Variants in MRPL18 observed in about 807,000 individuals in gnomAD.
The protein encoded by MRPL18 is mitochondrial ribosomal protein L18.
MRPL18 carries 16 observed loss-of-function variants against 20.9 expected under a neutral mutation model. The observed-to-expected ratio is 0.76, with a 90% CI of 0.52 to 1.16. MRPL18 has a LOEUF of 1.16. Ranked by LOEUF, MRPL18 falls within the 50% of genes most tolerant of loss-of-function variation. The pLI is 0.00. For missense variants in MRPL18, 233 were observed against 230.6 expected (o/e 1.01, Z -0.07); for synonymous variants, 91 against 87.1 (o/e 1.04, Z -0.25).
intron 1 of MRPL18, 22 bp downstream of exon 1, chr6:159,790,661 CT>C: frequency 6.2e-7 from 1 of 1,613,460 alleles, no homozygotes; most frequent in South Asian, 1.1e-5. Flanking sequence ...TGCCCCCCTT[CT>C]CCCAGCTCAC....
Position 159,794,988 on chromosome 6 carries a change from T to A in MRPL18, c.240-2299T>A, listed in dbSNP as rs148944618. Among the ~76,000 whole-genome samples the A allele has an allele frequency of 5.3e-3, 796 of 151,140 alleles. 5 individuals carry two copies. The highest frequency in any genetic ancestry group is 0.018 in the African/African-American group (753 of 41,300). ...TGGGGAGAGGATTAGCAGACAAACATGTGAACAAAGGTCTTTGCATCATAG... is the reference window on the plus strand; with the variant it reads ...TGGGGAGAGGATTAGCAGACAAACAAGTGAACAAAGGTCTTTGCATCATAG... On this transcript the variant is annotated intron_variant, in intron 2 of 3. Transcript: ENST00000367034.
chr6:159,794,840 G>C (rs917698932), intron 2 of MRPL18, among the ~76,000 whole-genome samples: 2 of 152,166 alleles, frequency 1.3e-5, no homozygotes, highest in Admixed American at 1.3e-4. Context: ...GAAATAAGGG[G>C]ACCCAGGGAA....
At chr6:159,793,172 A>T (rs557279561) in intron 2 of MRPL18, among the ~76,000 whole-genome samples, 50 of 152,252 alleles carry the variant, frequency 3.3e-4, no homozygotes, top group Non-Finnish European at 5.0e-4. Context: ...AAAAATAACT[A>T]AAGATGTATT....
chr6:159,795,764 AAT>A (rs1436243023), intron 2 of MRPL18, among the ~76,000 whole-genome samples: 3 of 152,112 alleles, frequency 2.0e-5, no homozygotes, highest in Non-Finnish European at 2.9e-5. Flanking sequence ...CTCTTTGAAC[AAT>A]ATATGAGTTT....
At chr6:159,795,511 T>A (rs1781009771) in intron 2 of MRPL18, among the ~76,000 whole-genome samples, 1 of 152,206 alleles carries the variant, frequency 6.6e-6, no homozygotes, top group Admixed American at 6.5e-5. Flanking sequence ...GCACAACCCT[T>A]AATCCATTTA....
chr6:159,792,780 G>A (rs1780933638), intron 2 of MRPL18, among the ~76,000 whole-genome samples: 1 of 152,164 alleles, frequency 6.6e-6, no homozygotes, highest in Non-Finnish European at 1.5e-5. Flanking sequence ...TGGGACTAGA[G>A]GCGCATGCCA....
chr6:159,795,059 T>G (rs1423031680), intron 2 of MRPL18, among the ~76,000 whole-genome samples: 1 of 152,238 alleles, frequency 6.6e-6, no homozygotes, highest in East Asian at 1.9e-4. Flanking sequence ...TGCATACACA[T>G]AAACATCTCA....
intron 3 of MRPL18, 52 bp downstream of exon 3, chr6:159,797,570 A>AT: frequency 6.5e-7 from 1 of 1,543,948 alleles, no homozygotes; most frequent in Non-Finnish European, 8.9e-7. Flanking sequence ...AATTCTTGGC[A>AT]TTAGATAACT....
In MRPL18 at chr6:159,797,475, T is replaced by G; in HGVS notation, c.428T>G (p.Phe143Cys). The G allele has an allele frequency of 6.2e-7, 1 of 1,614,240 alleles. No individual in the cohort carries two copies. The highest frequency in any genetic ancestry group is 8.5e-7 in the Non-Finnish European group (1 of 1,180,042). ...AQRCLEAGIN[F>C]MVYQPTPWEA... ...AGATGCTTAGAGGCGGGAATCAACTTCATGGTCTACCAACCAACCCCGTGG... is the reference window on the plus strand; with the variant it reads ...AGATGCTTAGAGGCGGGAATCAACTGCATGGTCTACCAACCAACCCCGTGG... Residue 143 changes from phenylalanine (F) to cysteine (C), a missense_variant, in exon 3 of 4, where the codon TTC becomes TGC. Phe to Cys is a radical substitution (Grantham distance 205). Transcript: ENST00000367034.
intron 2 of MRPL18, among the ~76,000 whole-genome samples, chr6:159,792,575 C>T (rs540646795): frequency 6.6e-6 from 1 of 152,288 alleles, no homozygotes; most frequent in South Asian, 2.1e-4. Flanking sequence ...GTAGGCAGTT[C>T]ACTTTTTAAA....
Position 159,790,486 on chromosome 6 carries a change from G to T in MRPL18, c.-102G>T, listed in dbSNP as rs1780841973. The T allele has an allele frequency of 2.0e-6, 3 of 1,512,396 alleles. No homozygotes were observed. Among genetic ancestry groups the T allele is most frequent in the Admixed American group, 1.7e-5 (1 of 57,404 alleles). 93.7% of individuals were successfully genotyped at this position (1,512,396 alleles called of 1,614,324 possible). A position where few individuals can be genotyped will look rare whatever the true frequency, so the allele number is the denominator to read the frequency against. ...GGCGTGGAGAGTTTGGGGATCTACA[G>T]CAGCCAAAGGCTTGTCCCTGACTTT... On this transcript the variant is annotated 5_prime_UTR_variant, in exon 1 of 4. Coordinates refer to ENST00000367034, the MANE Select transcript of MRPL18 (RefSeq NM_014161.5).
In MRPL18 at chr6:159,797,400, G is replaced by A; in HGVS notation, c.353G>A (p.Ser118Asn). 6.2e-7 allele frequency: 1 copy of A among 1,614,150 alleles called. No individual in the cohort carries two copies. Among genetic ancestry groups the A allele is most frequent in the Non-Finnish European group, 8.5e-7 (1 of 1,180,028 alleles). Residue 118 changes from serine to asparagine, a missense_variant, in exon 3 of 4, where the codon AGT (serine) becomes AAT (asparagine). Physicochemically the swap from Ser to Asn is conservative, Grantham distance 46. Transcript: ENST00000367034. Reference sequence around the variant, plus strand: ...TGGGCTATTAAAAAGCACCTTTATAGTACCAGAAATGTGGTGGCTTGTGAG... The same window carrying A: ...TGGGCTATTAAAAAGCACCTTTATAATACCAGAAATGTGGTGGCTTGTGAG... ...REWAIKKHLY[S>N]TRNVVACESI...
At chr6:159,793,503 C>A (rs1238242570) in intron 2 of MRPL18, among the ~76,000 whole-genome samples, 2 of 152,184 alleles carry the variant, frequency 1.3e-5, no homozygotes, top group Non-Finnish European at 2.9e-5. Context: ...GCTGTTCTAG[C>A]ACTACAATGG....
In MRPL18 at chr6:159,794,925, C is replaced by T. The variant is rs558191867; in HGVS notation, c.240-2362C>T. On this transcript the variant is annotated intron_variant, in intron 2 of 3. Coordinates refer to ENST00000367034, the MANE Select transcript of MRPL18 (RefSeq NM_014161.5). ...ATTTATTGATCATTCGTGGGTGTTTCTCTGAGAGGGGGATGTGTCAGGGTC... is the reference window on the plus strand; with the variant it reads ...ATTTATTGATCATTCGTGGGTGTTTTTCTGAGAGGGGGATGTGTCAGGGTC... Among the ~76,000 whole-genome samples the T allele has an allele frequency of 1.7e-3, 254 of 152,312 alleles. 2 individuals carry two copies. Among genetic ancestry groups the T allele is most frequent in the Non-Finnish European group, 2.2e-3 (148 of 68,024 alleles).
intron 2 of MRPL18, among the ~76,000 whole-genome samples, chr6:159,793,468 C>T (rs940986353): frequency 1.3e-5 from 2 of 151,988 alleles, no homozygotes; most frequent in African/African-American, 4.8e-5. Context: ...GCTGTACCTA[C>T]TCTCATTTGT....
intron 2 of MRPL18, among the ~76,000 whole-genome samples, chr6:159,795,888 A>C (rs549483245): frequency 6.6e-6 from 1 of 152,110 alleles, no homozygotes; most frequent in Non-Finnish European, 1.5e-5. Flanking sequence ...GGCTCAAACA[A>C]TCTTCCCACC....
At chr6:159,790,411 C>T (rs1248233635), upstream of MRPL18, 3 of 737,104 alleles carry the variant, frequency 4.1e-6, no homozygotes, top group Non-Finnish European at 2.3e-6. Flanking sequence ...AGATCGCCTT[C>T]TCGGCCACTC....
rs1280187877 is a variant in MRPL18 at position 159,790,550 on chromosome 6, G to A, written c.-38G>A. The A allele has an allele frequency of 6.2e-7, 1 of 1,614,056 alleles. No homozygotes were observed. The highest frequency in any genetic ancestry group is 1.3e-5 in the African/African-American group (1 of 75,034). Reference sequence around the variant, plus strand: ...TGGCGAGCGACTGAGTCGTCCGTGAGGAAAAAGAGGCGAGGCTTTTCCGAG... The same window carrying A: ...TGGCGAGCGACTGAGTCGTCCGTGAAGAAAAAGAGGCGAGGCTTTTCCGAG... On this transcript the variant is annotated 5_prime_UTR_variant, in exon 1 of 4. Coordinates refer to ENST00000367034, the MANE Select transcript of MRPL18 (RefSeq NM_014161.5).
At chr6:159,790,037 G>A (rs548795178), upstream of MRPL18, 7 of 170,610 alleles carry the variant, frequency 4.1e-5, no homozygotes, top group South Asian at 6.2e-4. Flanking sequence ...CAGATCGGCC[G>A]GCTTTGCTCC....
Sources: allele counts gnomAD v4.1 joint callset (sites outside exome capture counted in the v4.1 genomes callset), GRCh38; gene constraint gnomAD v4.1.1; transcripts MANE v1.5; gene names NCBI Gene and HGNC (gene_info 2026-07-23, HGNC 2026-07-21).